Variants in ATP2B3 observed in about 807,000 individuals in gnomAD.
ATP2B3 encodes the protein plasma membrane calcium-transporting ATPase 3.
In ATP2B3, 12 loss-of-function variants were observed where a neutral mutation model predicts 70.8. The observed-to-expected ratio is 0.17, with a 90% confidence interval of 0.11 to 0.27. ATP2B3 has a LOEUF of 0.27. ATP2B3 is among the 10% of genes least tolerant of loss of function. The pLI is 1.00. For missense variants in ATP2B3, 858 were observed against 1,118.5 expected (o/e 0.77, Z 3.32); for synonymous variants, 460 against 497.8 (o/e 0.92, Z 1.01).
intron 21 of ATP2B3, 118 bp from the exon 22 acceptor site, chrX:153,579,860 G>A (rs1557022209): frequency 3.4e-5 from 22 of 640,801 alleles, no homozygotes; most frequent in African/African-American, 6.7e-5. Context: ...AGCACCAGCC[G>A]GCCACTGACT....
intron 2 of ATP2B3, among the ~76,000 whole-genome samples, chrX:153,530,631 G>A (rs892576706): frequency 9.0e-6 from 1 of 111,400 alleles, no homozygotes; most frequent in South Asian, 3.8e-4. Flanking sequence ...CCCCAAGGTG[G>A]CCCCTCCGGG....
At chrX:153,551,983 G>T (rs782117898) in intron 12 of ATP2B3, among the ~76,000 whole-genome samples, 2 of 112,671 alleles carry the variant, frequency 1.8e-5, no homozygotes, top group African/African-American at 6.4e-5. Flanking sequence ...GTGTTCTGCG[G>T]ACTGGACCAC....
At chrX:153,540,245 C>A (rs2090259690) in intron 3 of ATP2B3, among the ~76,000 whole-genome samples, 1 of 112,222 alleles carries the variant, frequency 8.9e-6, no homozygotes, top group Non-Finnish European at 1.9e-5. Flanking sequence ...AGCTGATGAG[C>A]AGCCCAGGGT....
In ATP2B3 at chrX:153,550,213, A is replaced by G. The variant is rs782753613; in HGVS notation, c.1750A>G (p.Ser584Gly). The change falls in exon 12 of 22, where the codon AGC becomes GGC. Residue 584 changes from serine (S) to glycine (G), a missense_variant. Physicochemically the swap from Ser to Gly is moderately conservative, Grantham distance 56. Coordinates refer to ENST00000263519, the MANE Select transcript of ATP2B3 (RefSeq NM_001001344.3). ...CTTCAACTCGGTCCGCAAGTCCATG[A>G]GCACAGTCATCCGCATGCCCGACGG... ...YTFNSVRKSMSTVIRMPDGGF... is the reference protein window; with the variant it reads ...YTFNSVRKSMGTVIRMPDGGF... 4 of 1,211,524 alleles carry G rather than the reference A, an allele frequency of 3.3e-6. No individual in the cohort carries two copies. The highest frequency in any genetic ancestry group is 4.5e-6 in the Non-Finnish European group (4 of 895,538).
At chrX:153,546,645 G>T (rs1247870792) in intron 8 of ATP2B3, among the ~76,000 whole-genome samples, 1 of 113,524 alleles carries the variant, frequency 8.8e-6, no homozygotes, top group African/African-American at 3.2e-5. Flanking sequence ...GCTGTGAGAC[G>T]CAGGAAGCAG....
chrX:153,562,519 G>A (rs2090639909), intron 20 of ATP2B3, among the ~76,000 whole-genome samples: 1 of 112,202 alleles, frequency 8.9e-6, no homozygotes, highest in Non-Finnish European at 1.9e-5. Context: ...CCTTCCAATT[G>A]GGTGGGTAGC....
Position 153,536,317 on chromosome X carries a change from G to C in ATP2B3, c.70G>C (p.Ala24Pro). The C allele has an allele frequency of 1.7e-6, 2 of 1,199,482 alleles. No individual in the cohort carries two copies. The highest frequency in any genetic ancestry group is 2.2e-6 in the Non-Finnish European group (2 of 889,365). The change falls in exon 3 of 22, where the codon GCT becomes CCT. Residue 24 changes from alanine (A) to proline (P), a missense_variant. Ala to Pro is a conservative substitution (Grantham distance 27, BLOSUM62 -1). Around this residue, in one of 5 missense-constraint regions of ATP2B3, gnomAD observed 278 missense variants for 366.2 expected, o/e 0.76. Coordinates refer to ENST00000263519, the MANE Select transcript of ATP2B3 (RefSeq NM_001001344.3). Reference protein sequence around the residue: ...KPQQQRDVPQAGGFGCTLAEL... With the variant: ...KPQQQRDVPQPGGFGCTLAEL... ...CCAGCAGCAGCGGGATGTCCCCCAG[G>C]CTGGAGGCTTTGGGTGCACGCTGGC...
At chrX:153,569,652 T>C in intron 21 of ATP2B3, 1 of 1,211,595 alleles carries the variant, frequency 8.3e-7, no homozygotes. Context: ...CAGGGTGCTG[T>C]GCGCCGGCGG....
chrX:153,545,543 C>T (rs1407230850), intron 7 of ATP2B3, among the ~76,000 whole-genome samples: 1 of 112,738 alleles, frequency 8.9e-6, no homozygotes, highest in Non-Finnish European at 1.9e-5. Flanking sequence ...TGGTGGTGTA[C>T]ACCTGTAGTC....
In ATP2B3 at chrX:153,542,438, G is replaced by T. The variant is rs1557007063; in HGVS notation, c.780G>T (p.Met260Ile). 1 of 1,210,261 alleles carries T rather than the reference G, an allele frequency of 8.3e-7. No individual in the cohort carries two copies. Among genetic ancestry groups the T allele is most frequent in the Non-Finnish European group, 1.1e-6 (1 of 895,234 alleles). Residue 260 changes from methionine to isoleucine, a missense_variant, in exon 6 of 22, where the codon ATG becomes ATT. This residue lies in a region of ATP2B3 where 278 missense variants were observed against 366.2 expected (regional missense o/e 0.76). Coordinates refer to ENST00000263519, the MANE Select transcript of ATP2B3 (RefSeq NM_001001344.3). The part of the protein sequence containing the change: ...HVRKSADKDP[M>I]LLSGTHVMEG... ...GCAAGTCAGCTGACAAAGATCCCAT[G>T]CTGCTCTCAGGTGAGGGCCACCCTC... is the stretch of plus-strand genomic sequence containing the variant.
intron 10 of ATP2B3, 90 bp downstream of exon 10, chrX:153,548,944 G>A (rs1557010060): frequency 3.3e-6 from 3 of 910,314 alleles, no homozygotes; most frequent in Non-Finnish European, 4.6e-6. Context: ...TATAAACTGG[G>A]GACGTTTGGG....
chrX:153,543,635 T>A (rs1365402975), intron 7 of ATP2B3, among the ~76,000 whole-genome samples: 1 of 112,631 alleles, frequency 8.9e-6, no homozygotes, highest in Non-Finnish European at 1.9e-5. Context: ...GCCCTGGGGC[T>A]TACAAAGCTA....
In ATP2B3 at chrX:153,558,129, C is replaced by A; in HGVS notation, c.2451C>A (p.Asp817Glu). 8.3e-7 allele frequency: 1 copy of A among 1,210,117 alleles called. No individual in the cohort carries two copies. ...CCCCCCAGGGCATCGCAGGGACCGA[C>A]GTGGCCAAGGAGGCCTCCGACATCA... is the stretch of plus-strand genomic sequence containing the variant. ...VGFAMGIAGTDVAKEASDIIL... is the reference protein window; with the variant it reads ...VGFAMGIAGTEVAKEASDIIL... The change falls in exon 17 of 22, where the codon GAC becomes GAA. Residue 817 changes from aspartate to glutamate, a missense_variant. Transcript: ENST00000263519.
rs2090407562 is a variant in ATP2B3 at position 153,548,631 on chromosome X, C to G, written c.1124-9C>G. 5.8e-6 allele frequency: 7 copies of G among 1,206,883 alleles called. No homozygotes were observed. The African/African-American group carries it at 1.0e-4, about 18-fold the overall frequency. On this transcript the variant is annotated splice_polypyrimidine_tract_variant and intron_variant, in intron 9 of 21. Coordinates refer to ENST00000263519, the MANE Select transcript of ATP2B3 (RefSeq NM_001001344.3). ...CAACCCCTTTCGTCTCCTCCCCGCT[C>G]TGTGGCAGGGCTGGTGATGTCTGCC...
At chrX:153,538,950 CAG>C (rs1440795792) in intron 3 of ATP2B3, among the ~76,000 whole-genome samples, 2 of 112,842 alleles carry the variant, frequency 1.8e-5, no homozygotes, top group Non-Finnish European at 3.8e-5. Context: ...CGGCTGCTCT[CAG>C]GGACAAACTG....
chrX:153,578,211 C>T (rs2090880191), intron 21 of ATP2B3, among the ~76,000 whole-genome samples: 1 of 112,608 alleles, frequency 8.9e-6, no homozygotes, highest in African/African-American at 3.2e-5. Context: ...GCCCTGACAC[C>T]TTGTCTAAAC....
chrX:153,556,163 G>A lies in ATP2B3; in HGVS notation c.2173G>A (p.Gly725Arg), dbSNP rs782748732. Reference sequence around the variant, plus strand: ...AGCCAAATGCGGCATCATCCAGCCCGGGGAGGACTTCCTGTGCCTAGAAGG... The same window carrying A: ...AGCCAAATGCGGCATCATCCAGCCCAGGGAGGACTTCCTGTGCCTAGAAGG... Reference protein sequence around the residue: ...IAAKCGIIQPGEDFLCLEGKE... With the variant: ...IAAKCGIIQPREDFLCLEGKE... Residue 725 changes from glycine (G) to arginine (R), a missense_variant, in exon 14 of 22, where the codon GGG becomes AGG. Around this residue, in one of 5 missense-constraint regions of ATP2B3, gnomAD observed 242 missense variants for 281.3 expected, o/e 0.86. Coordinates refer to ENST00000263519, the MANE Select transcript of ATP2B3 (RefSeq NM_001001344.3). 17 of 1,210,783 alleles carry A rather than the reference G, an allele frequency of 1.4e-5. No individual in the cohort carries two copies. Among genetic ancestry groups the A allele is most frequent in the Admixed American group, 4.4e-5 (2 of 45,973 alleles).
rs2090907264 is a variant in ATP2B3 at position 153,580,218 on chromosome X, C to T, written c.3583C>T (p.His1195Tyr). The T allele has an allele frequency of 6.6e-6, 8 of 1,206,947 alleles. No homozygotes were observed. Among genetic ancestry groups the T allele is most frequent in the Non-Finnish European group, 7.8e-6 (7 of 894,100 alleles). The change falls in exon 22 of 22, where the codon CAT becomes TAT. Residue 1195 changes from histidine (H) to tyrosine (Y), a missense_variant. By Grantham distance (83) the His-to-Tyr change is moderately conservative. Around this residue, in one of 5 missense-constraint regions of ATP2B3, gnomAD observed 265 missense variants for 305.3 expected, o/e 0.87. Coordinates refer to ENST00000263519, the MANE Select transcript of ATP2B3 (RefSeq NM_001001344.3). ...AGACAGCGGCATCTACCTGACCACG[C>T]ATGTCACCAAGTCAGCTACCTCTTC... is the stretch of plus-strand genomic sequence containing the variant. ...AIDSGIYLTT[H>Y]VTKSATSSVF...
chrX:153,538,071 C>T (rs1557004863), intron 3 of ATP2B3, among the ~76,000 whole-genome samples: 3 of 113,011 alleles, frequency 2.7e-5, no homozygotes, highest in Non-Finnish European at 5.6e-5. Flanking sequence ...ACCGGCCCCT[C>T]CCCTCTTCAA....
Sources: allele counts gnomAD v4.1 joint callset (sites outside exome capture counted in the v4.1 genomes callset), GRCh38; gene constraint gnomAD v4.1.1; regional missense constraint gnomAD v4.1.1; transcripts MANE v1.5; gene names NCBI Gene and HGNC (gene_info 2026-07-23, HGNC 2026-07-21).